VPS13C: variants seen among roughly 807,000 people sequenced by gnomAD.
The protein encoded by VPS13C is intermembrane lipid transfer protein VPS13C.
Under a neutral mutation model 456.8 loss-of-function variants are expected in VPS13C, and 358 were observed. The ratio of observed to expected loss-of-function variants is 0.78; its 90% CI spans 0.72 to 0.86. The LOEUF (loss-of-function observed/expected upper bound fraction) is 0.86, where lower values mean the gene tolerates loss of function less well. Among genes scored for constraint, VPS13C ranks in the 40% least tolerant of loss-of-function variants. VPS13C has a pLI of 0.00. For missense variants in VPS13C, 4,818 were observed against 4,385.4 expected (o/e 1.10, Z -2.79); for synonymous variants, 1,578 against 1,486.7 (o/e 1.06, Z -1.41).
intron 62 of VPS13C, among the ~76,000 whole-genome samples, chr15:61,912,593 C>A (rs964246580): frequency 6.6e-6 from 1 of 151,272 alleles, no homozygotes. Context: ...CAGCCCTCCA[C>A]ATTATCACTT....
chr15:62,032,755 C>T (rs2047860492), intron 5 of VPS13C, among the ~76,000 whole-genome samples: 1 of 151,496 alleles, frequency 6.6e-6, no homozygotes, highest in Non-Finnish European at 1.5e-5. Context: ...ATATAAAATG[C>T]TAATAACTCA....
chr15:61,863,542 C>T lies in VPS13C; in HGVS notation c.10864-14G>A, dbSNP rs1440351333. 8 of 1,593,730 alleles carry T rather than the reference C, an allele frequency of 5.0e-6. No individual in the cohort carries two copies. Among genetic ancestry groups the T allele is most frequent in the Middle Eastern group, 1.7e-4 (1 of 6,026 alleles). Reference sequence around the variant, plus strand: ...TTTGATATGATTCTGAAAAGGAAACCAGGCTCTAGATTTGGGAAGTTATGC... The same window carrying T: ...TTTGATATGATTCTGAAAAGGAAACTAGGCTCTAGATTTGGGAAGTTATGC... On this transcript the variant is annotated splice_polypyrimidine_tract_variant and intron_variant, in intron 81 of 84. Coordinates refer to ENST00000644861, the MANE Select transcript of VPS13C (RefSeq NM_020821.3).
intron 16 of VPS13C, among the ~76,000 whole-genome samples, chr15:61,995,889 TA>T (rs1316854147): frequency 2.0e-5 from 3 of 152,206 alleles, no homozygotes; most frequent in East Asian, 1.9e-4. Flanking sequence ...CTACGTTTGT[TA>T]TACAGACATA....
Position 61,982,474 on chromosome 15 carries a change from C to T in VPS13C, c.2014G>A (p.Glu672Lys). The T allele has an allele frequency of 4.4e-6, 7 of 1,608,380 alleles. No homozygotes were observed. Among genetic ancestry groups the T allele is most frequent in the African/African-American group, 1.3e-5 (1 of 74,970 alleles). Residue 672 changes from glutamate to lysine, a missense_variant, in exon 21 of 85, where the codon GAG (glutamate) becomes AAG (lysine). This residue lies in a region of VPS13C where 4,552 missense variants were observed against 4,130.6 expected (regional missense o/e 1.10). Transcript: ENST00000644861. ...ATLMKLEEIK[E>K]RTATGLTHII... ...AATTCTTCACCTGTAGCTGTTCTCT[C>T]CTTAATTTCTTCCAGCTTCATCAAT... is the stretch of plus-strand genomic sequence containing the variant.
chr15:62,023,918 C>T, intron 6 of VPS13C, 73 bp from the exon 7 acceptor site: 3 of 1,410,760 alleles, frequency 2.1e-6, no homozygotes, highest in Non-Finnish European at 2.9e-6. Flanking sequence ...GAAAAGAAAA[C>T]AAGAGAATTT....
At chr15:62,006,888 C>A (rs1239659038) in intron 15 of VPS13C, among the ~76,000 whole-genome samples, 1 of 152,064 alleles carries the variant, frequency 6.6e-6, no homozygotes, top group Non-Finnish European at 1.5e-5. Flanking sequence ...TGTTTTTTGG[C>A]TGCATAAATG....
intron 83 of VPS13C, among the ~76,000 whole-genome samples, chr15:61,855,427 A>G (rs1313149770): frequency 2.0e-5 from 3 of 152,222 alleles, no homozygotes; most frequent in Non-Finnish European, 2.9e-5. Flanking sequence ...TATTTCATAC[A>G]TCAAAACATT....
At chr15:61,978,771 A>C (rs2045786944) in intron 22 of VPS13C, 22 bp from the exon 23 acceptor site, 1 of 1,566,040 alleles carries the variant, frequency 6.4e-7, no homozygotes, top group African/African-American at 1.4e-5. Context: ...GACAAATTTC[A>C]ATTTTTTTTT....
intron 82 of VPS13C, among the ~76,000 whole-genome samples, chr15:61,857,137 G>A (rs1006366250): frequency 1.3e-5 from 2 of 152,128 alleles, no homozygotes; most frequent in Non-Finnish European, 2.9e-5. Context: ...CAAAAGAAGA[G>A]AAGGACTATT....
chr15:61,921,070 G>C (rs1483750219), intron 55 of VPS13C, among the ~76,000 whole-genome samples: 1 of 151,988 alleles, frequency 6.6e-6, no homozygotes, highest in African/African-American at 2.4e-5. Flanking sequence ...CTTCAAATAA[G>C]TAATATTAAT....
Position 61,918,215 on chromosome 15 carries a change from C to T in VPS13C, c.7681G>A (p.Val2561Ile). The T allele has an allele frequency of 1.3e-6, 2 of 1,592,328 alleles. No individual in the cohort carries two copies. The highest frequency in any genetic ancestry group is 1.4e-5 in the African/African-American group (1 of 73,636). ...CGCTCCAATAGCTTAACATTCTTAACAAATTTATAGATGATAAATGCAATG... is the reference window on the plus strand; with the variant it reads ...CGCTCCAATAGCTTAACATTCTTAATAAATTTATAGATGATAAATGCAATG... The part of the protein sequence containing the change: ...FSIAFIIYKF[V>I]KNVKLLERIG... Residue 2561 changes from valine to isoleucine, a missense_variant, in exon 59 of 85, where the codon GTT (valine) becomes ATT (isoleucine). By Grantham distance (29) the Val-to-Ile change is conservative. Transcript: ENST00000644861.
intron 66 of VPS13C, 87 bp downstream of exon 66, chr15:61,907,177 A>G (rs766622853): frequency 8.2e-6 from 13 of 1,593,194 alleles, no homozygotes; most frequent in Admixed American, 5.0e-5. Context: ...TTTTAGTTCA[A>G]TTAGGACAAG....
chr15:61,910,290 G>C lies in VPS13C; in HGVS notation c.8731C>G (p.Pro2911Ala), dbSNP rs866871007. ...CAAAGTTTGCCTGACAAACTTTCTG[G>C]CCAAAATGGAAGGCACTAAAAATAT... ...IASSECLPFWPESLSGKLCVR... is the reference protein window; with the variant it reads ...IASSECLPFWAESLSGKLCVR... The change falls in exon 64 of 85, where the codon CCA becomes GCA. Residue 2911 changes from proline to alanine, a missense_variant. By Grantham distance (27) the Pro-to-Ala change is conservative (BLOSUM62 -1). Coordinates refer to ENST00000644861, the MANE Select transcript of VPS13C (RefSeq NM_020821.3). The C allele has an allele frequency of 6.6e-7, 1 of 1,519,220 alleles. No homozygotes were observed. Among genetic ancestry groups the C allele is most frequent in the East Asian group, 2.5e-5 (1 of 39,802 alleles). The allele number at this position is 1,519,220 out of a possible 1,614,324, so 94.1% of individuals were successfully genotyped here.
chr15:61,990,961 C>G (rs771272451), intron 18 of VPS13C, 39 bp downstream of exon 18: 71 of 1,407,682 alleles, frequency 5.0e-5, no homozygotes, highest in Middle Eastern at 3.6e-4. Context: ...TAATATAGTA[C>G]AATGAGACAA....
intron 76 of VPS13C, 79 bp downstream of exon 76, chr15:61,875,653 T>G: frequency 2.1e-6 from 2 of 948,732 alleles, no homozygotes; most frequent in East Asian, 2.6e-5. Flanking sequence ...ACAATTACAA[T>G]GCAAATTACT....
At chr15:62,052,075 T>G (rs1013774133) in intron 1 of VPS13C, among the ~76,000 whole-genome samples, 17 of 152,150 alleles carry the variant, frequency 1.1e-4, no homozygotes, top group Non-Finnish European at 2.4e-4. Flanking sequence ...AGGTCAACTT[T>G]CTTAATATAA....
Position 62,028,419 on chromosome 15 carries a change from G to T in VPS13C, c.387C>A (p.Gly129=), listed in dbSNP as rs139665824. Residue 129 remains glycine, a splice_region_variant and synonymous_variant, in exon 6 of 85, where the codon GGC becomes GGA. Coordinates refer to ENST00000644861, the MANE Select transcript of VPS13C (RefSeq NM_020821.3). ...EEALQKAAEK[G]THSGEFIYGL... The stretch of plus-strand genomic sequence containing the variant: ...CATATATGAACTCCCCTGAATGTGT[G>T]CCTGCATCCCACATGGCAGCAATAA... The T allele has an allele frequency of 1.2e-6, 2 of 1,612,806 alleles. No individual in the cohort carries two copies. The highest frequency in any genetic ancestry group is 4.5e-5 in the East Asian group (2 of 44,836).
intron 57 of VPS13C, 62 bp from the exon 58 acceptor site, chr15:61,919,511 A>C: frequency 7.2e-7 from 1 of 1,396,752 alleles, no homozygotes; most frequent in Non-Finnish European, 9.4e-7. Context: ...TCTCTATAAC[A>C]ATCATTAGTA....
chr15:61,925,627 C>A, intron 52 of VPS13C, 79 bp from the exon 53 acceptor site: 2 of 1,046,844 alleles, frequency 1.9e-6, no homozygotes, highest in Non-Finnish European at 1.3e-6. Flanking sequence ...CCATGTCTTA[C>A]TTAACTTGGG....
Sources: allele counts gnomAD v4.1 joint callset (sites outside exome capture counted in the v4.1 genomes callset), GRCh38; gene constraint gnomAD v4.1.1; regional missense constraint gnomAD v4.1.1; transcripts MANE v1.5; gene names NCBI Gene and HGNC (gene_info 2026-07-23, HGNC 2026-07-21).